ANKRD11: variants seen among roughly 807,000 people sequenced by gnomAD.
ANKRD11 encodes ankyrin repeat domain 11.
A neutral mutation model predicts 195.7 loss-of-function variants in ANKRD11; 17 were observed. The ratio of observed to expected loss-of-function variants is 0.09; its 90% CI spans 0.06 to 0.13. The LOEUF is 0.13. Among genes scored for constraint, ANKRD11 ranks in the 10% least tolerant of loss-of-function variants. The pLI is 1.00. For synonymous variants in ANKRD11, 1,953 were observed against 1,528.1 expected, an observed-to-expected ratio of 1.28 and a Z score of -6.49; for missense variants, 3,735 against 3,566.1, an observed-to-expected ratio of 1.05 and a Z score of -1.21.
chr16:89,384,743 T>G (rs1460705878), intron 2 of ANKRD11, among the ~76,000 whole-genome samples: 1 of 152,166 alleles, frequency 6.6e-6, no homozygotes, highest in Admixed American at 6.5e-5. Flanking sequence ...TTGGTCTTAC[T>G]GTATTTTTGG....
intron 1 of ANKRD11, among the ~76,000 whole-genome samples, chr16:89,419,684 G>C (rs1325334748): frequency 6.6e-6 from 1 of 152,178 alleles, no homozygotes; most frequent in Admixed American, 6.5e-5. Context: ...GGGCTTGCTG[G>C]TGCAGGGTTC....
rs754623013 is a variant in ANKRD11, at chr16:89,280,221, G to A, written c.6321C>T (p.Arg2107=). The change falls in exon 9 of 13, where the codon CGC becomes CGT. Residue 2107 remains arginine, a synonymous_variant. Transcript: ENST00000301030. ...PLENSFLDGS[R]GLSHLGQVEP... is the part of the protein sequence containing the mutation. ...CCACCTGGCCGAGGTGAGACAGGCC[G>A]CGGCTGCCGTCCAGGAAGCTATTTT... 26 of 1,607,780 alleles carry A rather than the reference G, an allele frequency of 1.6e-5. No homozygotes were observed. The highest frequency in any genetic ancestry group is 1.3e-4 in the East Asian group (6 of 44,870).
At chr16:89,427,650 T>C (rs1039558169) in intron 1 of ANKRD11, among the ~76,000 whole-genome samples, 3 of 150,798 alleles carry the variant, frequency 2.0e-5, no homozygotes, top group Non-Finnish European at 3.0e-5. Flanking sequence ...TACAAAAAAA[T>C]TAGCTGGGTG....
chr16:89,442,516 T>C (rs1241629494), intron 1 of ANKRD11, among the ~76,000 whole-genome samples: 1 of 152,032 alleles, frequency 6.6e-6, no homozygotes, highest in Non-Finnish European at 1.5e-5. Context: ...TTGTCTCTGT[T>C]TCTCTCTCTC....
Position 89,280,448 on chromosome 16 carries a change from G to A in ANKRD11, c.6094C>T (p.Pro2032Ser), listed in dbSNP as rs1234494052. The A allele has an allele frequency of 3.8e-6, 6 of 1,587,092 alleles. No homozygotes were observed. Among genetic ancestry groups the A allele is most frequent in the East Asian group, 2.3e-5 (1 of 44,226 alleles). ...CCGTCCTTGACGTCCTCCAGCCCCGGCTCAGCGACGGGCAGAGCGTACGGG... is the reference window on the plus strand; with the variant it reads ...CCGTCCTTGACGTCCTCCAGCCCCGACTCAGCGACGGGCAGAGCGTACGGG... ...PAPYALPVAEPGLEDVKDGVD... is the reference protein window; with the variant it reads ...PAPYALPVAESGLEDVKDGVD... The change falls in exon 9 of 13, where the codon CCG becomes TCG. Residue 2032 changes from proline to serine, a missense_variant. Coordinates refer to ENST00000301030, the MANE Select transcript of ANKRD11 (RefSeq NM_013275.6).
In ANKRD11 at chr16:89,282,429, G is replaced by A. The variant is rs750436830; in HGVS notation, c.4113C>T (p.Ala1371=). The change falls in exon 9 of 13, where the codon GCC becomes GCT. Residue 1371 remains alanine, a synonymous_variant. Coordinates refer to ENST00000301030, the MANE Select transcript of ANKRD11 (RefSeq NM_013275.6). ...HDRERAKKEK[A]EKKEKGEDYK... Reference sequence around the variant, plus strand: ...AATCTTCGCCCTTCTCTTTCTTCTCGGCCTTCTCTTTCTTGGCTCGCTCTC... The same window carrying A: ...AATCTTCGCCCTTCTCTTTCTTCTCAGCCTTCTCTTTCTTGGCTCGCTCTC... 22 of 1,613,694 alleles carry A rather than the reference G, an allele frequency of 1.4e-5. No homozygotes were observed. Among genetic ancestry groups the A allele is most frequent in the South Asian group, 4.4e-5 (4 of 91,044 alleles).
chr16:89,485,799 A>T (rs1174374581), intron 1 of ANKRD11, among the ~76,000 whole-genome samples: 1 of 152,182 alleles, frequency 6.6e-6, no homozygotes, highest in East Asian at 1.9e-4. Flanking sequence ...TTAAAATGCT[A>T]AAACTTTCAT....
In ANKRD11 at chr16:89,285,123, G is replaced by T. The variant is rs200455505; in HGVS notation, c.1419C>A (p.Ser473Arg). 3.1e-6 allele frequency: 5 copies of T among 1,613,508 alleles called. No individual in the cohort carries two copies. Among genetic ancestry groups the T allele is most frequent in the Admixed American group, 3.3e-5 (2 of 60,006 alleles). Residue 473 changes from serine to arginine, a missense_variant, in exon 9 of 13, where the codon AGC becomes AGA. By Grantham distance (110) the Ser-to-Arg change is moderately radical. Transcript: ENST00000301030. The surrounding 1 kb of genome is among the most constrained non-coding windows in gnomAD (Gnocchi z 5.6). ...KGREVRFGKR[S>R]DKFCSSESES... ...CCGACTCCGAGGAGCAGAACTTGTC[G>T]CTCCGCTTTCCGAAGCGAACCTCTC...
chr16:89,271,439 C>T (rs958876950), intron 11 of ANKRD11: 3 of 212,764 alleles, frequency 1.4e-5, no homozygotes, highest in Non-Finnish European at 2.9e-5. Flanking sequence ...TTCTCCTGGG[C>T]GAGACTTTCT....
At chr16:89,309,166 G>A (rs565938326) in intron 3 of ANKRD11, among the ~76,000 whole-genome samples, 1 of 152,356 alleles carries the variant, frequency 6.6e-6, no homozygotes, top group East Asian at 1.9e-4. Context: ...TGGCAGGGAT[G>A]TGGATTCCCT....
rs765137919 is a variant in ANKRD11 at position 89,283,412 on chromosome 16, C to G, written c.3130G>C (p.Glu1044Gln). ...AATTCTTTGTCCTTCTGACATTTTT[C>G]CAGGATTGATTTCTCACTTTTGTCC... ...DKDKSEKSIL[E>Q]KCQKDKEFDK... Residue 1044 changes from glutamate to glutamine, a missense_variant, in exon 9 of 13, where the codon GAA (glutamate) becomes CAA (glutamine). Coordinates refer to ENST00000301030, the MANE Select transcript of ANKRD11 (RefSeq NM_013275.6). The surrounding 1 kb of genome is among the most constrained non-coding windows in gnomAD (Gnocchi z 4.3). The G allele has an allele frequency of 1.2e-6, 2 of 1,613,982 alleles. No homozygotes were observed. Among genetic ancestry groups the G allele is most frequent in the African/African-American group, 2.7e-5 (2 of 74,932 alleles).
At chr16:89,334,240 C>G (rs748208420) in intron 2 of ANKRD11, among the ~76,000 whole-genome samples, 9 of 151,280 alleles carry the variant, frequency 5.9e-5, no homozygotes, top group Non-Finnish European at 1.3e-4. Context: ...ATGTCTGATG[C>G]CTGGCCTAGC....
chr16:89,274,738 A>G (rs1454973107), intron 11 of ANKRD11, 76 bp downstream of exon 11: 11 of 1,593,122 alleles, frequency 6.9e-6, no homozygotes, highest in Non-Finnish European at 9.4e-6. Flanking sequence ...CAAAGTGCAG[A>G]ATCTATCAAG....
At chr16:89,456,516 C>A (rs1192127105) in intron 1 of ANKRD11, among the ~76,000 whole-genome samples, 3 of 149,068 alleles carry the variant, frequency 2.0e-5, no homozygotes, top group Non-Finnish European at 4.4e-5. Flanking sequence ...CCACTCCAGG[C>A]TGGGTGACAG....
chr16:89,402,952 G>T lies in ANKRD11; in HGVS notation c.-60+15332C>A, dbSNP rs530782354. 3.9e-5 allele frequency among the ~76,000 whole-genome samples: 6 copies of T among 152,284 alleles called. No homozygotes were observed. The South Asian group carries it at 1.2e-3, about 32-fold the overall frequency. On this transcript the variant is annotated intron_variant, in intron 2 of 12. Transcript: ENST00000301030. ...AAGCAGGCAACCTAGCCTGCCAGTGGAGACCTCTTTTCCGCCTGGGCTCCA... is the reference window on the plus strand; with the variant it reads ...AAGCAGGCAACCTAGCCTGCCAGTGTAGACCTCTTTTCCGCCTGGGCTCCA...
At chr16:89,469,458 G>A (rs1332605816) in intron 1 of ANKRD11, among the ~76,000 whole-genome samples, 1 of 151,908 alleles carries the variant, frequency 6.6e-6, no homozygotes, top group African/African-American at 2.4e-5. Flanking sequence ...CCTAACCTCA[G>A]GTGATCCACC....
chr16:89,349,176 G>C (rs1286780324), intron 2 of ANKRD11, among the ~76,000 whole-genome samples: 1 of 78,340 alleles, frequency 1.3e-5, no homozygotes, highest in Non-Finnish European at 2.6e-5. Flanking sequence ...AATAATTATA[G>C]TAATCAAGAC....
Position 89,280,505 on chromosome 16 carries a change from C to T in ANKRD11, c.6037G>A (p.Ala2013Thr). The T allele has an allele frequency of 6.2e-7, 1 of 1,602,522 alleles. No individual in the cohort carries two copies. Among genetic ancestry groups the T allele is most frequent in the South Asian group, 1.1e-5 (1 of 90,214 alleles). Residue 2013 changes from alanine (A) to threonine (T), a missense_variant, in exon 9 of 13, where the codon GCG becomes ACG. Transcript: ENST00000301030. ...AAPGPFSASEAPYPAPPASPA... is the reference protein window; with the variant it reads ...AAPGPFSASETPYPAPPASPA... ...GAGGCGGGAGGGGCGGGGTACGGCGCCTCCGAGGCGCTGAAGGGCCCTGGG... is the reference window on the plus strand; with the variant it reads ...GAGGCGGGAGGGGCGGGGTACGGCGTCTCCGAGGCGCTGAAGGGCCCTGGG...
intron 4 of ANKRD11, chr16:89,304,956 G>A: frequency 1.8e-6 from 1 of 570,484 alleles, no homozygotes; most frequent in East Asian, 3.0e-5. Context: ...TGCACCGGGT[G>A]CATCTCCACG....
Sources: gnomAD v4.1 joint callset for allele counts (sites outside exome capture counted in the v4.1 genomes callset) on GRCh38, gnomAD v4.1.1 for gene constraint, Gnocchi (gnomAD v3.1) non-coding constraint, MANE v1.5 for transcripts, NCBI Gene and HGNC (gene_info 2026-07-23, HGNC 2026-07-21) for gene names.